HDAC9: variants seen among roughly 807,000 people sequenced by gnomAD.
The protein encoded by HDAC9 is MEF-2 interacting transcription repressor (MITR) protein.
In HDAC9, 41 loss-of-function variants were observed where a neutral mutation model predicts 139.4. The ratio of observed to expected loss-of-function variants is 0.29; its 90% CI spans 0.23 to 0.38. HDAC9 has a LOEUF of 0.38. Among genes scored for constraint, HDAC9 ranks in the 10% least tolerant of loss-of-function variants. The probability of loss-of-function intolerance (pLI) is 1.00; values close to 1 mark genes in which losing one functional copy is unlikely to be tolerated. For synonymous variants in HDAC9, 517 were observed against 476.2 expected (o/e 1.09, Z -1.12); for missense variants, 1,147 against 1,297.0 (o/e 0.88, Z 1.78).
intron 1 of HDAC9, chr7:18,151,941 G>A (rs1786811431): frequency 6.6e-6 from 1 of 152,120 alleles, no homozygotes; most frequent in Non-Finnish European, 1.5e-5. Context: ...GCTATGACTT[G>A]GAGAACTTCT....
chr7:18,686,206 A>G (rs1418791686), intron 12 of HDAC9, among the ~76,000 whole-genome samples: 1 of 152,000 alleles, frequency 6.6e-6, no homozygotes, highest in Non-Finnish European at 1.5e-5. Context: ...TTCAAAATAC[A>G]GTACTTTCAA....
chr7:18,524,859 G>A (rs1358661455), intron 2 of HDAC9, among the ~76,000 whole-genome samples: 4 of 128,764 alleles, frequency 3.1e-5, no homozygotes, highest in African/African-American at 1.2e-4. Flanking sequence ...AAAACTTAGT[G>A]ACATACACAC....
chr7:18,279,523 T>C (rs1038997471), intron 2 of HDAC9, among the ~76,000 whole-genome samples: 1 of 151,926 alleles, frequency 6.6e-6, no homozygotes, highest in Non-Finnish European at 1.5e-5. Flanking sequence ...GAGTGCGCAG[T>C]GGCGTGATCT....
intron 2 of HDAC9, among the ~76,000 whole-genome samples, chr7:18,246,639 G>A (rs947709671): frequency 1.4e-4 from 21 of 152,064 alleles, no homozygotes; most frequent in African/African-American, 4.1e-4. Context: ...GGGGAGTTTC[G>A]TAGGGGAGAA....
intron 21 of HDAC9, among the ~76,000 whole-genome samples, chr7:18,858,309 G>A (rs1797842619): frequency 6.6e-6 from 1 of 152,188 alleles, no homozygotes; most frequent in African/African-American, 2.4e-5. Flanking sequence ...TCACGTGGCT[G>A]CATGTTCTGC....
At chr7:18,734,450 A>G (rs755407000) in intron 13 of HDAC9, among the ~76,000 whole-genome samples, 4 of 152,076 alleles carry the variant, frequency 2.6e-5, no homozygotes, top group East Asian at 3.9e-4. Context: ...TCACTGTTCA[A>G]TTCCCACCTG....
intron 14 of HDAC9, among the ~76,000 whole-genome samples, chr7:18,758,704 A>G (rs1160010384): frequency 2.0e-5 from 3 of 152,314 alleles, no homozygotes; most frequent in Admixed American, 2.0e-4. Flanking sequence ...CAGCTTAATC[A>G]TCCACCAAAT....
Position 18,746,659 on chromosome 7 carries a change from C to G in HDAC9, c.1910-2346C>G, listed in dbSNP as rs549704612. 5.3e-5 allele frequency among the ~76,000 whole-genome samples: 8 copies of G among 152,252 alleles called. No individual in the cohort carries two copies. The East Asian group carries it at 1.3e-3, about 26-fold the overall frequency. On this transcript the variant is annotated intron_variant, in intron 13 of 25. Coordinates refer to ENST00000686413, the MANE Select transcript of HDAC9 (RefSeq NM_178425.4). ...TTGAGGAAAGCTTTAGTGGAAATAT[C>G]TGACCTATTTTTGGGATACATTCAT...
intron 6 of HDAC9, among the ~76,000 whole-genome samples, chr7:18,597,458 G>T (rs1466482022): frequency 6.6e-6 from 1 of 152,094 alleles, no homozygotes; most frequent in East Asian, 1.9e-4. Flanking sequence ...TGTAGTAGAT[G>T]ACTTTATTGT....
intron 17 of HDAC9, among the ~76,000 whole-genome samples, chr7:18,812,941 A>G (rs1794292536): frequency 6.6e-6 from 1 of 151,958 alleles, no homozygotes; most frequent in African/African-American, 2.4e-5. Flanking sequence ...TATCATCCAA[A>G]AAACTTTTCA....
intron 21 of HDAC9, among the ~76,000 whole-genome samples, chr7:18,868,562 A>G (rs1427328450): frequency 1.3e-5 from 2 of 152,166 alleles, no homozygotes; most frequent in African/African-American, 2.4e-5. Context: ...TCAGTGGAGT[A>G]TATGGTGTTA....
In HDAC9 at chr7:18,385,983, C is replaced by T. The variant is rs957995093; in HGVS notation, c.-42+95468C>T. Among the ~76,000 whole-genome samples, 8 of 151,686 alleles carry T rather than the reference C, an allele frequency of 5.3e-5. No homozygotes were observed. In the South Asian group the frequency reaches 1.4e-3, roughly 27 times the overall value. On this transcript the variant is annotated intron_variant, in intron 1 of 3. Coordinates refer to the HDAC9 transcript ENST00000413509. ...CAAGCTGCTTTTAATGTTTAACGCA[C>T]TCTTTGTTTCTGCAAAGATTTAGCA...
chr7:18,961,798 A>T (rs2129329048), intron 24 of HDAC9, among the ~76,000 whole-genome samples: 2 of 152,284 alleles, frequency 1.3e-5, no homozygotes, highest in African/African-American at 4.8e-5. Flanking sequence ...TGTATTCCCC[A>T]AGGTTACACA....
intron 1 of HDAC9, among the ~76,000 whole-genome samples, chr7:18,449,037 G>T (rs1001958675): frequency 6.6e-6 from 1 of 152,014 alleles, no homozygotes; most frequent in East Asian, 1.9e-4. Flanking sequence ...TTACCTTTTT[G>T]TGCTGGCAAA....
chr7:18,894,348 G>A (rs1446906545), intron 22 of HDAC9, among the ~76,000 whole-genome samples: 2 of 152,094 alleles, frequency 1.3e-5, no homozygotes, highest in African/African-American at 2.4e-5. Flanking sequence ...AGCCATGAGG[G>A]GGAGCCATAT....
intron 24 of HDAC9, among the ~76,000 whole-genome samples, chr7:18,968,977 A>AAAAAAAAAAAAAAAAAT (rs1293391628): frequency 6.6e-6 from 1 of 150,692 alleles, no homozygotes; most frequent in Non-Finnish European, 1.5e-5. Context: ...AAAAAAAAAA[A>AAAAAAAAAAAAAAAAAT]AAAAAGAATC....
chr7:18,773,728 A>G lies in HDAC9; in HGVS notation c.2214+6573A>G, dbSNP rs147812912. Among the ~76,000 whole-genome samples, 127 of 141,056 alleles carry G rather than the reference A, an allele frequency of 9.0e-4. 1 individual carries two copies. The South Asian group carries it at 0.02, about 22-fold the overall frequency. 92.5% of individuals were successfully genotyped at this position (141,056 alleles called of 152,430 possible). ...GAAATGGTACTACCTAAAAAAAAAT[A>G]ATTCTTGTAGCAGCCTGAAATACAG... On this transcript the variant is annotated intron_variant, in intron 16 of 25. Coordinates refer to ENST00000686413, the MANE Select transcript of HDAC9 (RefSeq NM_178425.4).
At chr7:18,895,358 GA>G (rs1801089056) in intron 22 of HDAC9, among the ~76,000 whole-genome samples, 1 of 152,072 alleles carries the variant, frequency 6.6e-6, no homozygotes, top group South Asian at 2.1e-4. Context: ...TAAGAGAAAT[GA>G]AAAATTGGTA....
intron 21 of HDAC9, among the ~76,000 whole-genome samples, chr7:18,862,019 A>G (rs575753402): frequency 5.6e-4 from 85 of 152,328 alleles, no homozygotes; most frequent in Non-Finnish European, 2.9e-4. Flanking sequence ...TGGACTCACA[A>G]TGTCACATTT....
Sources: allele counts gnomAD v4.1 joint callset (sites outside exome capture counted in the v4.1 genomes callset), GRCh38; gene constraint gnomAD v4.1.1; transcripts MANE v1.5; gene names NCBI Gene and HGNC (gene_info 2026-07-23, HGNC 2026-07-21).